Variants in WRN observed in about 807,000 individuals in gnomAD.
WRN encodes WRN RecQ like helicase.
Under a neutral mutation model 180.7 loss-of-function variants are expected in WRN, and 149 were observed. The ratio of observed to expected loss-of-function variants is 0.82; its 90% CI spans 0.72 to 0.94. WRN has a LOEUF of 0.94. Among genes scored for constraint, WRN ranks in the 40% least tolerant of loss-of-function variants. The pLI is 0.00. For missense variants in WRN, 1,661 were observed against 1,700.1 expected, an observed-to-expected ratio of 0.98 and a Z score of 0.40; for synonymous variants, 548 against 568.9, an observed-to-expected ratio of 0.96 and a Z score of 0.52.
At chr8:31,091,107 T>G (rs993613942) in intron 15 of WRN, among the ~76,000 whole-genome samples, 165 bp downstream of exon 15, 1 of 152,138 alleles carries the variant, frequency 6.6e-6, no homozygotes, top group Non-Finnish European at 1.5e-5. Flanking sequence ...AGAGCTTACC[T>G]TCTTTCTTGT....
chr8:31,044,152 C>G (rs1405768261), intron 1 of WRN, among the ~76,000 whole-genome samples: 1 of 151,644 alleles, frequency 6.6e-6, no homozygotes, highest in Non-Finnish European at 1.5e-5. Flanking sequence ...CGCCATTCTC[C>G]TGCCTCAGCC....
At chr8:31,081,355 C>T (rs1450905685) in intron 9 of WRN, 59 bp downstream of exon 9, 2 of 1,554,924 alleles carry the variant, frequency 1.3e-6, no homozygotes, top group Non-Finnish European at 1.8e-6. Flanking sequence ...AGACTTTATT[C>T]CCGTAAAGAG....
At chr8:31,112,636 G>A (rs564828386) in intron 19 of WRN, among the ~76,000 whole-genome samples, 1 of 152,068 alleles carries the variant, frequency 6.6e-6, no homozygotes, top group South Asian at 2.1e-4. Flanking sequence ...ACCCAGGCTG[G>A]AGTGCAGTGG....
intron 7 of WRN, among the ~76,000 whole-genome samples, chr8:31,069,213 T>C (rs1812819204): frequency 6.6e-6 from 1 of 152,274 alleles, no homozygotes; most frequent in South Asian, 2.1e-4. Context: ...AAATATGGCA[T>C]GACTGCCTCA....
chr8:31,059,097 A>G, intron 2 of WRN, 56 bp from the exon 3 acceptor site: 1 of 1,276,356 alleles, frequency 7.8e-7, no homozygotes. Flanking sequence ...TATTTCAGTG[A>G]ACATTTGTTA....
intron 26 of WRN, 23 bp from the exon 27 acceptor site, chr8:31,142,603 A>G: frequency 6.5e-7 from 1 of 1,541,990 alleles, no homozygotes; most frequent in South Asian, 1.2e-5. Flanking sequence ...CATTTGAAAT[A>G]ATTTAATTTT....
At chr8:31,124,648 A>G (rs1801850955) in intron 22 of WRN, 25 bp downstream of exon 22, 2 of 1,560,982 alleles carry the variant, frequency 1.3e-6, no homozygotes, top group Non-Finnish European at 1.8e-6. Context: ...TTTTATGCCA[A>G]TAGTATGGAT....
At chr8:31,114,327 G>A (rs1337764720) in intron 19 of WRN, among the ~76,000 whole-genome samples, 1 of 152,094 alleles carries the variant, frequency 6.6e-6, no homozygotes, top group African/African-American at 2.4e-5. Flanking sequence ...GTACATTTAA[G>A]TGAGATAGAT....
intron 18 of WRN, among the ~76,000 whole-genome samples, chr8:31,103,839 A>G (rs1800977674): frequency 6.6e-6 from 1 of 151,936 alleles, no homozygotes; most frequent in Non-Finnish European, 1.5e-5. Flanking sequence ...GGTTCACGCC[A>G]TTCTCCTGCC....
rs1330621811 is a variant in WRN, at chr8:31,064,999, T to C, written c.440T>C (p.Leu147Pro). 1 of 1,613,766 alleles carries C rather than the reference T, an allele frequency of 6.2e-7. No homozygotes were observed. The highest frequency in any genetic ancestry group is 1.7e-5 in the Admixed American group (1 of 60,030). Residue 147 changes from leucine to proline, a missense_variant, in exon 5 of 35, where the codon CTT (leucine) becomes CCT (proline). Leu to Pro is a moderately conservative substitution (Grantham distance 98). This residue lies in a region of WRN where 500 missense variants were observed against 504.1 expected (regional missense o/e 0.99). Transcript: ENST00000298139. ...GVGIEGDQWK[L>P]LRDFDIKLKN... ...GGAATTGAAGGAGATCAGTGGAAAC[T>C]TCTACGTGACTTTGATATCAAATTG...
intron 18 of WRN, 136 bp downstream of exon 18, chr8:31,101,091 T>A (rs936129190): frequency 3.3e-5 from 25 of 753,774 alleles, no homozygotes; most frequent in Admixed American, 9.1e-5. Context: ...ACTATTTTTT[T>A]AAAAATGCTA....
At chr8:31,048,284 A>G (rs1811945000) in intron 1 of WRN, among the ~76,000 whole-genome samples, 1 of 152,224 alleles carries the variant, frequency 6.6e-6, no homozygotes, top group Admixed American at 6.5e-5. Flanking sequence ...AAATGTAGTA[A>G]TAGATTCATG....
At position 31,065,179 on chromosome 8, in the gene WRN, G is replaced by T. The variant is rs1334673103; in HGVS notation, c.504+116G>T. The T allele has an allele frequency of 3.7e-6, 4 of 1,079,228 alleles. No individual in the cohort carries two copies. The East Asian group carries it at 8.0e-5, about 22-fold the overall frequency. The allele number at this position is 1,079,228 out of a possible 1,614,324, so 66.9% of individuals were successfully genotyped here. On this transcript the variant is annotated intron_variant, in intron 5 of 34. Transcript: ENST00000298139. ...AAAAAGCTTGTTATATAATGTTTTT[G>T]TAGCAATAAAAAAGTTCCAAGTGAA...
At chr8:31,084,401 TAAAATAACTTTTTTTTAAA>T (rs1490645184) in intron 10 of WRN, among the ~76,000 whole-genome samples, 2 of 152,230 alleles carry the variant, frequency 1.3e-5, no homozygotes, top group Admixed American at 6.5e-5. Flanking sequence ...AAATAAGAAG[TAAAATAACTTTTTTTTAAA>T]AAAAGAACTT....
chr8:31,041,942 G>A (rs1811676034), intron 1 of WRN, among the ~76,000 whole-genome samples: 1 of 152,190 alleles, frequency 6.6e-6, no homozygotes, highest in South Asian at 2.1e-4. Context: ...AAAGCCAGAA[G>A]GGCAATGAAT....
rs559086251 is a variant in WRN, at chr8:31,169,646, G to A, written c.4191+2416G>A. On this transcript the variant is annotated intron_variant, in intron 34 of 34. Coordinates refer to ENST00000298139, the MANE Select transcript of WRN (RefSeq NM_000553.6). ...TTTTCCTGTACTTTCAAAAGAAGGC[G>A]TGGTTCAAGATGGCTTTCCCAATTT... Among the ~76,000 whole-genome samples, 6 of 152,298 alleles carry A rather than the reference G, an allele frequency of 3.9e-5. No homozygotes were observed. The East Asian group carries it at 7.7e-4, about 20-fold the overall frequency.
chr8:31,114,145 G>A (rs1275957068), intron 19 of WRN, among the ~76,000 whole-genome samples: 2 of 152,146 alleles, frequency 1.3e-5, no homozygotes, highest in Admixed American at 6.5e-5. Flanking sequence ...GTGAGGTAGA[G>A]GGTAATTAAG....
At chr8:31,097,289 TTCATAAGAATCAC>T (rs1265074204) in intron 17 of WRN, among the ~76,000 whole-genome samples, 1 of 152,156 alleles carries the variant, frequency 6.6e-6, no homozygotes, top group Non-Finnish European at 1.5e-5. Flanking sequence ...ACCCTCTTTG[TTCATAAGAATCAC>T]TTTTCAAACT....
At chr8:31,063,440 T>C (rs556766145) in intron 3 of WRN, among the ~76,000 whole-genome samples, 1 of 152,360 alleles carries the variant, frequency 6.6e-6, no homozygotes, top group East Asian at 1.9e-4. Context: ...CTTAAACATG[T>C]CTGTACACAT....
Sources: allele counts gnomAD v4.1 joint callset (sites outside exome capture counted in the v4.1 genomes callset), GRCh38; gene constraint gnomAD v4.1.1; regional missense constraint gnomAD v4.1.1; transcripts MANE v1.5; gene names NCBI Gene and HGNC (gene_info 2026-07-23, HGNC 2026-07-21).